ZNF500: variants seen among roughly 807,000 people sequenced by gnomAD.
ZNF500 encodes the protein zinc finger protein 500, also known as zinc finger protein with KRAB and SCAN domains 18.
In ZNF500, 31 loss-of-function variants were observed where a neutral mutation model predicts 30.1. That is an observed-to-expected ratio of 1.03 (90% CI 0.77 to 1.39). The LOEUF is 1.39. Ranked by LOEUF, ZNF500 falls within the 40% of genes most tolerant of loss-of-function variation. The pLI is 0.00. For missense variants in ZNF500, 817 were observed against 657.8 expected (o/e 1.24, Z -2.65); for synonymous variants, 392 against 282.0 (o/e 1.39, Z -3.91).
chr16:4,757,275 T>C (rs574640416), intron 5 of ZNF500, among the ~76,000 whole-genome samples: 6 of 152,310 alleles, frequency 3.9e-5, no homozygotes, highest in Admixed American at 1.3e-4. Flanking sequence ...GTGAATTTCA[T>C]CTCATTAAAA....
chr16:4,746,476 G>A (rs560198956), downstream of ZNF500: 48 of 1,613,604 alleles, frequency 3.0e-5, no homozygotes, highest in South Asian at 4.4e-5. Flanking sequence ...ATTGACCTGC[G>A]GCAGATGGAG....
Position 4,752,899 on chromosome 16 carries a change from G to T in ZNF500, c.920C>A (p.Pro307Gln). ...PVRGLVRPDQ[P>Q]RGGPPPGRRA... ...TCTTCCTGGTGGGGGGCCGCCTCTTGGCTGATCAGGCCTGACCAAGCCCCT... is the reference window on the plus strand; with the variant it reads ...TCTTCCTGGTGGGGGGCCGCCTCTTTGCTGATCAGGCCTGACCAAGCCCCT... The change falls in exon 6 of 6, where the codon CCA (proline) becomes CAA (glutamine). Residue 307 changes from proline (P) to glutamine (Q), a missense_variant. Physicochemically the swap from Pro to Gln is moderately conservative, Grantham distance 76 (BLOSUM62 -1). Coordinates refer to ENST00000219478, the MANE Select transcript of ZNF500 (RefSeq NM_021646.4). 6.2e-7 allele frequency: 1 copy of T among 1,613,992 alleles called. No homozygotes were observed. The highest frequency in any genetic ancestry group is 8.5e-7 in the Non-Finnish European group (1 of 1,180,022).
rs201050302 is a variant in ZNF500, at chr16:4,765,870, G to C, written c.109C>G (p.Pro37Ala). 1 of 1,613,646 alleles carries C rather than the reference G, an allele frequency of 6.2e-7. No individual in the cohort carries two copies. The highest frequency in any genetic ancestry group is 8.5e-7 in the Non-Finnish European group (1 of 1,180,024). ...VEEDFCLEEE[P>A]SVETEDPSPE... ...CTGGGGTCCTCCGTCTCCACGGAGGGCTCCTCTTCCAAGCAGAAGTCCTCC... is the reference window on the plus strand; with the variant it reads ...CTGGGGTCCTCCGTCTCCACGGAGGCCTCCTCTTCCAAGCAGAAGTCCTCC... Residue 37 changes from proline to alanine, a missense_variant, in exon 2 of 6, where the codon CCC becomes GCC. Pro to Ala is a conservative substitution (Grantham distance 27). Transcript: ENST00000219478.
At position 4,765,424 on chromosome 16, in the gene ZNF500, T is replaced by C. The variant is rs4786548; in HGVS notation, c.414+141A>G. The C allele has an allele frequency of 0.7, 837,685 of 1,190,724 alleles. 301,829 individuals are homozygous for C. Among genetic ancestry groups the C allele is most frequent in the Middle Eastern group, 0.75 (3,634 of 4,818 alleles). The allele number at this position is 1,190,724 out of a possible 1,614,324, so 73.8% of individuals were successfully genotyped here. A position where few individuals can be genotyped will look rare whatever the true frequency, so the allele number is the denominator to read the frequency against. ...ACACCCATTAGCCAAGGCTGAGAAA[T>C]CTTTTGCAGTTGCTTTCCTCAAAAG... On this transcript the variant is annotated intron_variant, in intron 2 of 5. Coordinates refer to ENST00000219478, the MANE Select transcript of ZNF500 (RefSeq NM_021646.4).
At chr16:4,762,836 C>G in intron 2 of ZNF500, 80 bp from the exon 3 acceptor site, 1 of 1,482,346 alleles carries the variant, frequency 6.7e-7, no homozygotes, top group East Asian at 2.4e-5. Context: ...CACCCCTCAT[C>G]TCAGGCACCC....
downstream of ZNF500, chr16:4,746,360 C>T: frequency 6.2e-7 from 1 of 1,607,160 alleles, no homozygotes; most frequent in East Asian, 2.2e-5. Flanking sequence ...ACAACACCTG[C>T]TTTTCTCATT....
chr16:4,751,473 C>T lies in ZNF500; in HGVS notation c.*903G>A. 1.7e-6 allele frequency: 2 copies of T among 1,172,944 alleles called. No individual in the cohort carries two copies. The highest frequency in any genetic ancestry group is 2.6e-5 in the East Asian group (1 of 38,394). 72.7% of individuals were successfully genotyped at this position (1,172,944 alleles called of 1,614,324 possible). A position where few individuals can be genotyped will look rare whatever the true frequency, so the allele number is the denominator to read the frequency against. On this transcript the variant is annotated 3_prime_UTR_variant, in exon 6 of 6. Coordinates refer to ENST00000219478, the MANE Select transcript of ZNF500 (RefSeq NM_021646.4). ...CTTTCCCGCCCCAGGTGTCTTCCGC[C>T]CTGCAGAGCAGCTATGGATCTGCAA... is the stretch of plus-strand genomic sequence containing the variant.
downstream of ZNF500, chr16:4,747,465 C>T (rs201846778): frequency 1.2e-6 from 2 of 1,613,274 alleles, no homozygotes; most frequent in East Asian, 2.2e-5. Context: ...CCTGAAGACA[C>T]AGCTGGATCA....
rs1315273001 is a variant in ZNF500 at position 4,750,168 on chromosome 16, G to A, written c.*2208C>T. On this transcript the variant is annotated 3_prime_UTR_variant, in exon 6 of 6. Transcript: ENST00000219478. ...GTCAGCAACGCTGGGTGCTTTGCTA[G>A]CTCCTGGAGTGTGGCCTGGCCACAT... 1 of 152,454 alleles carries A rather than the reference G, an allele frequency of 6.6e-6. No individual in the cohort carries two copies. Among genetic ancestry groups the A allele is most frequent in the Non-Finnish European group, 1.5e-5 (1 of 68,258 alleles). The allele number at this position is 152,454 out of a possible 1,614,324, so 9.4% of individuals were successfully genotyped here.
chr16:4,765,629 C>A lies in ZNF500; in HGVS notation c.350G>T (p.Ser117Ile). 2.5e-6 allele frequency: 4 copies of A among 1,613,510 alleles called. No individual in the cohort carries two copies. The highest frequency in any genetic ancestry group is 3.4e-6 in the Non-Finnish European group (4 of 1,179,884). Residue 117 changes from serine to isoleucine, a missense_variant, in exon 2 of 6, where the codon AGC (serine) becomes ATC (isoleucine). By Grantham distance (142) the Ser-to-Ile change is moderately radical. Coordinates refer to ENST00000219478, the MANE Select transcript of ZNF500 (RefSeq NM_021646.4). ...CACAAGGACCACGGCCTCCTCACCG[C>A]TCTCCGGCTGCTGCTCGCGTACCCG... ...QARVREQQPE[S>I]GEEAVVLVEG...
At chr16:4,744,982 G>A (rs932680228), downstream of ZNF500, 3 of 1,613,792 alleles carry the variant, frequency 1.9e-6, no homozygotes, top group Non-Finnish European at 2.5e-6. Flanking sequence ...ACACTCCCCA[G>A]GACACCAAAG....
chr16:4,763,622 G>A (rs1328159601), intron 2 of ZNF500: 13 of 985,264 alleles, frequency 1.3e-5, no homozygotes, highest in Middle Eastern at 5.2e-4. Flanking sequence ...CTAAGGGAGC[G>A]TAGTCCCCTT....
chr16:4,766,769 T>A (rs2082268737), intron 1 of ZNF500, among the ~76,000 whole-genome samples: 1 of 152,306 alleles, frequency 6.6e-6, no homozygotes, highest in Admixed American at 6.5e-5. Context: ...ATCCCCGGTG[T>A]CCAGGTCTGG....
intron 5 of ZNF500, chr16:4,758,434 C>T (rs537475857): frequency 6.6e-6 from 1 of 152,218 alleles, no homozygotes; most frequent in Non-Finnish European, 1.5e-5. Context: ...CAAATTCTTT[C>T]CCTTTTGACT....
chr16:4,751,422 T>G lies in ZNF500; in HGVS notation c.*954A>C. The G allele has an allele frequency of 1.4e-6, 1 of 692,418 alleles. No individual in the cohort carries two copies. Among genetic ancestry groups the G allele is most frequent in the Non-Finnish European group, 2.3e-6 (1 of 429,738 alleles). 42.9% of individuals were successfully genotyped at this position (692,418 alleles called of 1,614,324 possible). On this transcript the variant is annotated 3_prime_UTR_variant, in exon 6 of 6. Coordinates refer to ENST00000219478, the MANE Select transcript of ZNF500 (RefSeq NM_021646.4). ...CAGGCCCGTCACATCCCAGGCAACA[T>G]GTCAGGAAGATGGAACTCAGGGGTG...
chr16:4,760,739 TG>T, intron 4 of ZNF500, 151 bp from the exon 5 acceptor site: 1 of 623,202 alleles, frequency 1.6e-6, no homozygotes, highest in Non-Finnish European at 2.8e-6. Context: ...CTCGTTGCAG[TG>T]GTGAGTCCTG....
chr16:4,760,343 C>A (rs76180687), intron 5 of ZNF500, 149 bp downstream of exon 5: 15,282 of 656,118 alleles, frequency 0.023, 242 homozygotes, highest in Non-Finnish European at 0.031. Flanking sequence ...GCAGGCCCTG[C>A]AGGTGGGACT....
rs2082260762 is a variant in ZNF500, at chr16:4,765,935, T to C, written c.44A>G (p.Gln15Arg). Residue 15 changes from glutamine to arginine, a missense_variant, in exon 2 of 6, where the codon CAG (glutamine) becomes CGG (arginine). Gln to Arg is a conservative substitution (Grantham distance 43). Transcript: ENST00000219478. ...CAGGATCTCTTCCTGTTCCAGGTCC[T>C]GCTCCAAGGTTGGCAGGGGCTGGAG... ...PGLQPLPTLE[Q>R]DLEQEEILIV... 1 of 1,597,388 alleles carries C rather than the reference T, an allele frequency of 6.3e-7. No homozygotes were observed. The highest frequency in any genetic ancestry group is 8.5e-7 in the Non-Finnish European group (1 of 1,172,608).
chr16:4,763,772 T>A, intron 2 of ZNF500: 2 of 985,442 alleles, frequency 2.0e-6, no homozygotes, highest in Non-Finnish European at 2.4e-6. Context: ...GCTGGCCGGC[T>A]GGGAAGAAAC....
Sources: allele counts gnomAD v4.1 joint callset (sites outside exome capture counted in the v4.1 genomes callset), GRCh38; gene constraint gnomAD v4.1.1; transcripts MANE v1.5; gene names NCBI Gene and HGNC (gene_info 2026-07-23, HGNC 2026-07-21).